MACROD2: variants seen among roughly 807,000 people sequenced by gnomAD.
The protein encoded by MACROD2 is mono-ADP ribosylhydrolase 2.
Under a neutral mutation model 70.4 loss-of-function variants are expected in MACROD2, and 36 were observed. The observed-to-expected ratio is 0.51, with a 90% CI of 0.39 to 0.68. The LOEUF is 0.68. Ranked by LOEUF, MACROD2 falls within the 30% of genes least tolerant of loss-of-function variation. MACROD2 has a pLI of 0.00. For missense variants in MACROD2, 496 were observed against 538.4 expected, an observed-to-expected ratio of 0.92 and a Z score of 0.78; for synonymous variants, 172 against 178.8, an observed-to-expected ratio of 0.96 and a Z score of 0.30.
intron 3 of MACROD2, among the ~76,000 whole-genome samples, chr20:14,139,960 A>C (rs2054848201): frequency 1.3e-5 from 2 of 152,234 alleles, no homozygotes; most frequent in Admixed American, 1.3e-4. Context: ...AGGTATACAC[A>C]TAAAAAATTA....
At chr20:14,683,063 G>A (rs1328373709) in intron 4 of MACROD2, among the ~76,000 whole-genome samples, 1 of 152,028 alleles carries the variant, frequency 6.6e-6, no homozygotes, top group Admixed American at 6.6e-5. Flanking sequence ...ATTTTTAGTA[G>A]AGACGGGGTT....
intron 3 of MACROD2, among the ~76,000 whole-genome samples, chr20:14,246,831 C>T (rs1032224167): frequency 6.6e-6 from 1 of 152,136 alleles, no homozygotes; most frequent in African/African-American, 2.4e-5. Context: ...AGGTGAAGCT[C>T]CATTTGCCGC....
chr20:14,503,067 G>T (rs572697549), intron 4 of MACROD2, among the ~76,000 whole-genome samples: 2 of 152,306 alleles, frequency 1.3e-5, no homozygotes. Flanking sequence ...ATCTCTTAAG[G>T]TATGTGAAAA....
chr20:14,598,529 G>T (rs760372015), intron 4 of MACROD2, among the ~76,000 whole-genome samples: 1 of 152,218 alleles, frequency 6.6e-6, no homozygotes, highest in East Asian at 1.9e-4. Context: ...CCGTGCATAA[G>T]TATATCTTGT....
chr20:15,008,873 G>T lies in MACROD2; in HGVS notation c.419-221067G>T, dbSNP rs77396366. Among the ~76,000 whole-genome samples, 905 of 152,208 alleles carry T rather than the reference G, an allele frequency of 5.9e-3. 4 individuals are homozygous for T. Among genetic ancestry groups the T allele is most frequent in the African/African-American group, 0.021 (866 of 41,532 alleles). On this transcript the variant is annotated intron_variant, in intron 5 of 17. Coordinates refer to ENST00000684519, the MANE Select transcript of MACROD2 (RefSeq NM_001351661.2). Reference sequence around the variant, plus strand: ...AGACGTACCTATTACTTTGCATCATGGTTGGATGGATTTTTTTCCTTTTCT... The same window carrying T: ...AGACGTACCTATTACTTTGCATCATTGTTGGATGGATTTTTTTCCTTTTCT...
intron 3 of MACROD2, among the ~76,000 whole-genome samples, chr20:14,166,207 T>G (rs768290024): frequency 3.9e-5 from 6 of 152,324 alleles, no homozygotes; most frequent in Admixed American, 2.6e-4. Context: ...CATAGGCTTC[T>G]GAAGTTATTA....
intron 3 of MACROD2, among the ~76,000 whole-genome samples, chr20:14,257,195 G>A (rs1247992374): frequency 6.6e-6 from 1 of 152,132 alleles, no homozygotes; most frequent in Non-Finnish European, 1.5e-5. Context: ...CTCCCATGAC[G>A]ATGATGATTG....
intron 4 of MACROD2, among the ~76,000 whole-genome samples, chr20:14,507,509 G>A (rs1197715687): frequency 6.6e-6 from 1 of 152,072 alleles, no homozygotes; most frequent in Non-Finnish European, 1.5e-5. Flanking sequence ...ATTAAAAATG[G>A]CCCAAATGGC....
At chr20:14,241,500 G>C (rs1258513338) in intron 3 of MACROD2, among the ~76,000 whole-genome samples, 1 of 151,812 alleles carries the variant, frequency 6.6e-6, no homozygotes, top group Admixed American at 6.6e-5. Flanking sequence ...CATTGTGAAG[G>C]ATAAGTAGAT....
At chr20:15,696,407 G>T (rs186330496) in intron 8 of MACROD2, among the ~76,000 whole-genome samples, 58 of 152,252 alleles carry the variant, frequency 3.8e-4, no homozygotes, top group African/African-American at 1.4e-3. Flanking sequence ...TTTGATCAAG[G>T]TGGATTATCC....
intron 6 of MACROD2, among the ~76,000 whole-genome samples, chr20:15,264,064 C>T (rs954968693): frequency 6.6e-6 from 1 of 152,044 alleles, no homozygotes; most frequent in African/African-American, 2.4e-5. Flanking sequence ...GATACTGCAT[C>T]CAAAGAATGA....
chr20:14,522,043 C>T (rs148901514), intron 4 of MACROD2, among the ~76,000 whole-genome samples: 19 of 152,242 alleles, frequency 1.2e-4, no homozygotes, highest in African/African-American at 7.2e-5. Context: ...CCGTCGAAGC[C>T]GCTGTGATGA....
chr20:14,800,530 T>C (rs1226634024), intron 5 of MACROD2, among the ~76,000 whole-genome samples: 1 of 152,154 alleles, frequency 6.6e-6, no homozygotes, highest in East Asian at 1.9e-4. Context: ...ACGTATCTGA[T>C]GAGAGTAGGT....
chr20:15,916,664 G>A (rs2065321122), intron 10 of MACROD2, among the ~76,000 whole-genome samples: 3 of 152,168 alleles, frequency 2.0e-5, no homozygotes, highest in East Asian at 1.9e-4. Context: ...ACTTAAGTTC[G>A]AAAGTCCTTT....
chr20:15,399,945 C>T (rs1483062224), intron 6 of MACROD2, among the ~76,000 whole-genome samples: 1 of 152,134 alleles, frequency 6.6e-6, no homozygotes, highest in East Asian at 1.9e-4. Context: ...GTTTCAATCC[C>T]CTTTGCTGTG....
chr20:14,868,747 C>A (rs1033388665), intron 5 of MACROD2, among the ~76,000 whole-genome samples: 1 of 152,094 alleles, frequency 6.6e-6, no homozygotes, highest in Non-Finnish European at 1.5e-5. Flanking sequence ...GATAGCTCCT[C>A]CTCAACTCAA....
chr20:14,039,624 A>G (rs774944114), intron 2 of MACROD2, among the ~76,000 whole-genome samples: 1 of 152,120 alleles, frequency 6.6e-6, no homozygotes, highest in Non-Finnish European at 1.5e-5. Context: ...AAGCAGGGAA[A>G]ACCGGTGATA....
rs563782495 is a variant in MACROD2 at position 15,987,278 on chromosome 20, T to C, written c.1153+120T>C. 7.1e-5 allele frequency: 55 copies of C among 771,072 alleles called. No individual in the cohort carries two copies. In the South Asian group the frequency reaches 9.3e-4, roughly 13 times the overall value. 47.8% of individuals were successfully genotyped at this position (771,072 alleles called of 1,614,324 possible). On this transcript the variant is annotated intron_variant, in intron 15 of 17. Coordinates refer to ENST00000684519, the MANE Select transcript of MACROD2 (RefSeq NM_001351661.2). ...AGTTTGTAAAGGGGGAAAACGAACA[T>C]TTCCTTAACCCCAAATCTCCGTTTG...
At chr20:15,012,247 A>G (rs898168207) in intron 5 of MACROD2, among the ~76,000 whole-genome samples, 1 of 152,232 alleles carries the variant, frequency 6.6e-6, no homozygotes, top group Non-Finnish European at 1.5e-5. Context: ...ACAATAATAC[A>G]TAAGACCTAA....
Sources: allele counts gnomAD v4.1 joint callset (sites outside exome capture counted in the v4.1 genomes callset), GRCh38; gene constraint gnomAD v4.1.1; transcripts MANE v1.5; gene names NCBI Gene and HGNC (gene_info 2026-07-23, HGNC 2026-07-21).